The following AGMO variants were observed in gnomAD, a reference collection of about 807,000 sequenced individuals.
The protein encoded by AGMO is alkylglycerol monooxygenase.
In AGMO, 75 loss-of-function variants were observed where a neutral mutation model predicts 60.2. That is an observed-to-expected ratio of 1.25 (90% CI 1.03 to 1.51). AGMO has a LOEUF of 1.51. Among genes scored for constraint, AGMO ranks in the 40% most tolerant of loss-of-function variants. The pLI, the probability that AGMO is intolerant of heterozygous loss-of-function variation, is 0.00. For missense variants in AGMO, 763 were observed against 525.5 expected, an observed-to-expected ratio of 1.45 and a Z score of -4.42; for synonymous variants, 261 against 177.1, an observed-to-expected ratio of 1.47 and a Z score of -3.76.
the AGMO span, among the ~76,000 whole-genome samples, chr7:15,160,730 T>A: frequency 6.6e-6 from 1 of 152,198 alleles, no homozygotes; most frequent in Non-Finnish European, 1.5e-5. Flanking sequence ...ATTTCATGTG[T>A]CAAATAGGTT....
chr7:15,558,833 G>A (rs746870061), intron 2 of AGMO, among the ~76,000 whole-genome samples: 10 of 151,870 alleles, frequency 6.6e-5, no homozygotes, highest in Non-Finnish European at 1.3e-4. Context: ...AAGTTTTAAT[G>A]TTATTTTTTA....
At chr7:15,130,977 T>A in the AGMO span, among the ~76,000 whole-genome samples, 57 of 152,314 alleles carry the variant, frequency 3.7e-4, no homozygotes, top group African/African-American at 1.3e-3. Context: ...CAGAATAATT[T>A]ATTAAGCTTC....
intron 3 of AGMO, among the ~76,000 whole-genome samples, chr7:15,528,333 T>C (rs897290972): frequency 1.3e-5 from 2 of 152,052 alleles, no homozygotes; most frequent in African/African-American, 4.8e-5. Flanking sequence ...CAAAAAAAAT[T>C]GGTGTGAGTT....
intron 12 of AGMO, among the ~76,000 whole-genome samples, chr7:15,288,116 C>T (rs1376018488): frequency 6.6e-6 from 1 of 151,938 alleles, no homozygotes; most frequent in East Asian, 1.9e-4. Flanking sequence ...CTCCGCCTCC[C>T]GGGTTCACAC....
intron 3 of AGMO, among the ~76,000 whole-genome samples, chr7:15,494,637 T>G (rs964954110): frequency 4.6e-5 from 7 of 152,182 alleles, no homozygotes; most frequent in Non-Finnish European, 1.0e-4. Flanking sequence ...GAAAAAAAAG[T>G]TGCCTTTTTC....
intron 12 of AGMO, among the ~76,000 whole-genome samples, chr7:15,309,312 T>C (rs1175477569): frequency 2.0e-5 from 3 of 152,124 alleles, no homozygotes; most frequent in African/African-American, 7.2e-5. Flanking sequence ...CTCCAAATTT[T>C]TGAGTAGGTA....
intron 9 of AGMO, 91 bp from the exon 10 acceptor site, chr7:15,385,653 G>C (rs1783881024): frequency 2.7e-6 from 2 of 737,638 alleles, no homozygotes; most frequent in Non-Finnish European, 4.6e-6. Flanking sequence ...AAAAGTATCT[G>C]CTATTTTTTT....
chr7:15,488,492 C>T (rs1213898183), intron 3 of AGMO, among the ~76,000 whole-genome samples: 4 of 152,056 alleles, frequency 2.6e-5, no homozygotes, highest in Non-Finnish European at 4.4e-5. Context: ...TTTAAACAAG[C>T]CCATTCTTGG....
the AGMO span, among the ~76,000 whole-genome samples, chr7:15,160,930 C>T: frequency 6.6e-6 from 1 of 152,080 alleles, no homozygotes. Flanking sequence ...AAAAAGCAAG[C>T]AACTGACAAG....
At chr7:15,386,382 G>A (rs1259284853) in intron 9 of AGMO, among the ~76,000 whole-genome samples, 1 of 151,998 alleles carries the variant, frequency 6.6e-6, no homozygotes, top group Non-Finnish European at 1.5e-5. Context: ...GCAGACTCCA[G>A]CACTCACATA....
the AGMO span, among the ~76,000 whole-genome samples, chr7:15,151,532 G>T: frequency 2.0e-5 from 3 of 152,020 alleles, no homozygotes; most frequent in Admixed American, 6.6e-5. Context: ...TAGTTTTAAA[G>T]AATTTTTTTC....
chr7:15,287,765 T>A (rs1166713372), intron 12 of AGMO, among the ~76,000 whole-genome samples: 1 of 146,996 alleles, frequency 6.8e-6, no homozygotes, highest in East Asian at 2.1e-4. Context: ...ATACTTTAAA[T>A]GCATTTTAAC....
At chr7:15,457,433 G>A (rs1782027330) in intron 3 of AGMO, among the ~76,000 whole-genome samples, 1 of 152,148 alleles carries the variant, frequency 6.6e-6, no homozygotes, top group Non-Finnish European at 1.5e-5. Context: ...ACAACATCCA[G>A]TAGATTTGTT....
chr7:15,508,653 A>G (rs1198337030), intron 3 of AGMO, among the ~76,000 whole-genome samples: 4 of 152,222 alleles, frequency 2.6e-5, no homozygotes, highest in Admixed American at 2.6e-4. Flanking sequence ...TGCTCGCACA[A>G]GACAGCCTCT....
chr7:15,540,868 A>G (rs1295450251), intron 3 of AGMO, among the ~76,000 whole-genome samples: 1 of 152,200 alleles, frequency 6.6e-6, no homozygotes, highest in Admixed American at 6.5e-5. Flanking sequence ...GAAAATGTAT[A>G]AATTTTAAGT....
At chr7:15,336,964 G>A (rs1390750959) in intron 12 of AGMO, among the ~76,000 whole-genome samples, 1 of 152,170 alleles carries the variant, frequency 6.6e-6, no homozygotes, top group African/African-American at 2.4e-5. Context: ...GAAAACATGT[G>A]TGAGATTGTC....
intron 12 of AGMO, among the ~76,000 whole-genome samples, chr7:15,296,621 A>G (rs1325696303): frequency 6.6e-6 from 1 of 152,202 alleles, no homozygotes; most frequent in Non-Finnish European, 1.5e-5. Flanking sequence ...TAACATTTGT[A>G]ATAATAAGCA....
intron 12 of AGMO, among the ~76,000 whole-genome samples, chr7:15,212,287 C>A (rs1046026550): frequency 6.9e-6 from 1 of 145,358 alleles, no homozygotes; most frequent in Non-Finnish European, 1.5e-5. Flanking sequence ...CACACACACA[C>A]AAATAGCATG....
chr7:15,503,435 A>G (rs1583621824), intron 3 of AGMO, among the ~76,000 whole-genome samples: 1 of 152,100 alleles, frequency 6.6e-6, no homozygotes, highest in Non-Finnish European at 1.5e-5. Context: ...TTATTTAAAA[A>G]ATAGGCTTAG....
Sources: allele counts gnomAD v4.1 joint callset (sites outside exome capture counted in the v4.1 genomes callset), GRCh38; gene constraint gnomAD v4.1.1; transcripts MANE v1.5; gene names NCBI Gene and HGNC (gene_info 2026-07-23, HGNC 2026-07-21).